Variants in HERC3 observed in about 807,000 individuals in gnomAD.
HERC3 encodes the protein HECT and RLD domain containing E3 ubiquitin protein ligase 3, also known as probable E3 ubiquitin-protein ligase HERC3.
In HERC3, 58 loss-of-function variants were observed where a neutral mutation model predicts 129.9. The ratio of observed to expected loss-of-function variants is 0.45; its 90% confidence interval spans 0.36 to 0.56. The LOEUF (loss-of-function observed/expected upper bound fraction) is 0.56. HERC3 is among the 20% of genes least tolerant of loss of function. The pLI is 0.00. For missense variants in HERC3, 835 were observed against 1,244.2 expected (o/e 0.67, Z 4.95); for synonymous variants, 430 against 451.0 (o/e 0.95, Z 0.59).
At chr4:88,656,090 T>C in intron 9 of HERC3, 55 bp downstream of exon 9, 1 of 1,556,338 alleles carries the variant, frequency 6.4e-7, no homozygotes, top group Non-Finnish European at 8.8e-7. Context: ...AAAACAGTTG[T>C]TTACAGAATA....
At chr4:88,700,235 G>A (rs2149346202) in intron 23 of HERC3, among the ~76,000 whole-genome samples, 1 of 152,084 alleles carries the variant, frequency 6.6e-6, no homozygotes, top group South Asian at 2.1e-4. Context: ...TCATAATTGT[G>A]AATAATGCTG....
rs760284399 is a variant in HERC3, at chr4:88,668,054, C to G, written c.1606C>G (p.Leu536Val). The G allele has an allele frequency of 6.2e-7, 1 of 1,613,636 alleles. No individual in the cohort carries two copies. The highest frequency in any genetic ancestry group is 1.1e-5 in the South Asian group (1 of 91,048). Residue 536 changes from leucine (L) to valine (V), a missense_variant, in exon 14 of 26, where the codon CTG becomes GTG. By Grantham distance (32) the Leu-to-Val change is conservative. Coordinates refer to ENST00000402738, the MANE Select transcript of HERC3 (RefSeq NM_014606.3). ...TCCCTTGGCTATGGCCATTCTTCGGCTGGATACAAACCCCAGCAAAGTACT... is the reference window on the plus strand; with the variant it reads ...TCCCTTGGCTATGGCCATTCTTCGGGTGGATACAAACCCCAGCAAAGTACT... ...TIPLAMAILR[L>V]DTNPSKVLDN...
chr4:88,551,554 C>T, the HERC3 span, among the ~76,000 whole-genome samples: 1 of 151,154 alleles, frequency 6.6e-6, no homozygotes, highest in Admixed American at 6.6e-5. Context: ...CACTGGCCAT[C>T]AGAGAAATGC....
At chr4:88,530,317 A>G in the HERC3 span, among the ~76,000 whole-genome samples, 2 of 152,030 alleles carry the variant, frequency 1.3e-5, no homozygotes. Flanking sequence ...AGCTATCCCT[A>G]TTTTCAAGAT....
chr4:88,688,716 T>C (rs1328513846), intron 23 of HERC3, among the ~76,000 whole-genome samples: 1 of 152,226 alleles, frequency 6.6e-6, no homozygotes, highest in Non-Finnish European at 1.5e-5. Flanking sequence ...AGAAGTCTTA[T>C]ATGAATATTT....
intron 3 of HERC3, among the ~76,000 whole-genome samples, chr4:88,629,958 A>G (rs1264734795): frequency 2.0e-5 from 3 of 152,124 alleles, no homozygotes; most frequent in Non-Finnish European, 4.4e-5. Context: ...ATTCTTTTTT[A>G]GGTCAGTCTA....
chr4:88,545,430 C>CTTTTTTTTT, the HERC3 span, among the ~76,000 whole-genome samples: 2 of 110,432 alleles, frequency 1.8e-5, no homozygotes, highest in African/African-American at 7.4e-5. Flanking sequence ...TTTGAGAATT[C>CTTTTTTTTT]TTTTTTTTTT....
the HERC3 span, chr4:88,527,267 T>G: frequency 6.6e-6 from 1 of 151,886 alleles, no homozygotes; most frequent in African/African-American, 2.4e-5. Flanking sequence ...TTTTTTTTTT[T>G]TTGAGACAGG....
intron 3 of HERC3, among the ~76,000 whole-genome samples, chr4:88,609,832 GAA>G (rs1189995073): frequency 2.6e-5 from 4 of 152,200 alleles, no homozygotes; most frequent in African/African-American, 9.6e-5. Context: ...GTAAAGGAAT[GAA>G]AGAATGGCTA....
At chr4:88,638,809 T>G (rs1727739548) in intron 3 of HERC3, among the ~76,000 whole-genome samples, 1 of 152,174 alleles carries the variant, frequency 6.6e-6, no homozygotes, top group African/African-American at 2.4e-5. Context: ...TTGTCTCTGT[T>G]TGCAGACGAC....
chr4:88,689,104 T>TA (rs1411621678), intron 23 of HERC3, among the ~76,000 whole-genome samples: 1 of 152,240 alleles, frequency 6.6e-6, no homozygotes, highest in Non-Finnish European at 1.5e-5. Flanking sequence ...TCTGGACTTT[T>TA]ATTGGCTTCT....
In HERC3 at chr4:88,704,579, G is replaced by T. The variant is rs777364659; in HGVS notation, c.2913G>T (p.Glu971Asp). The T allele has an allele frequency of 6.2e-7, 1 of 1,605,906 alleles. No homozygotes were observed. Among genetic ancestry groups the T allele is most frequent in the Non-Finnish European group, 8.5e-7 (1 of 1,172,600 alleles). The change falls in exon 25 of 26, where the codon GAG becomes GAT. Residue 971 changes from glutamate to aspartate, a missense_variant. Physicochemically the swap from Glu to Asp is conservative, Grantham distance 45. Transcript: ENST00000402738. ...AACTATTTTGGGAAACATTTCATGA[G>T]TTTCCATTGGAAAAGAAGAAGAAGT... ...TVKLFWETFH[E>D]FPLEKKKKFL...
intron 19 of HERC3, among the ~76,000 whole-genome samples, chr4:88,679,522 C>CTT (rs35403047): frequency 4.3e-5 from 6 of 139,814 alleles, no homozygotes; most frequent in Admixed American, 7.2e-5. Context: ...GATGGTAGAC[C>CTT]TTTTTTTTTT....
At chr4:88,542,013 A>G in the HERC3 span, among the ~76,000 whole-genome samples, 3 of 152,190 alleles carry the variant, frequency 2.0e-5, no homozygotes, top group Non-Finnish European at 4.4e-5. Flanking sequence ...TAAAATTGAC[A>G]CCCTAATATC....
At position 88,608,388 on chromosome 4, in the gene HERC3, C is replaced by G. The variant is rs201258710; in HGVS notation, c.226+2339C>G. ...TCAGGGGTTTCTTAACCTGAGGACC[C>G]TGAAATCTTGGGATTTCAAGGAAGG... On this transcript the variant is annotated intron_variant, in intron 3 of 25. Transcript: ENST00000402738. Among the ~76,000 whole-genome samples the G allele has an allele frequency of 5.9e-5, 9 of 152,246 alleles. No individual in the cohort carries two copies. The East Asian group carries it at 1.7e-3, about 29-fold the overall frequency.
intron 2 of HERC3, among the ~76,000 whole-genome samples, chr4:88,605,355 T>C (rs1379153533): frequency 2.0e-5 from 3 of 152,124 alleles, no homozygotes; most frequent in Non-Finnish European, 4.4e-5. Flanking sequence ...CCTAAAGGAG[T>C]TAATTGGTTC....
At chr4:88,531,419 C>T in the HERC3 span, among the ~76,000 whole-genome samples, 1 of 152,132 alleles carries the variant, frequency 6.6e-6, no homozygotes, top group Non-Finnish European at 1.5e-5. Context: ...GAAATATAAA[C>T]TTTAAAAATA....
chr4:88,589,629 T>C (rs961528002), upstream of HERC3, among the ~76,000 whole-genome samples: 5 of 152,192 alleles, frequency 3.3e-5, no homozygotes, highest in African/African-American at 1.2e-4. Flanking sequence ...GACAGGGCTA[T>C]AGAAATGGAA....
chr4:88,536,207 T>C, the HERC3 span, among the ~76,000 whole-genome samples: 1 of 152,208 alleles, frequency 6.6e-6, no homozygotes, highest in Non-Finnish European at 1.5e-5. Flanking sequence ...CATCTTGAAT[T>C]CAGCCATTCT....
Sources: gnomAD v4.1 joint callset for allele counts (sites outside exome capture counted in the v4.1 genomes callset) on GRCh38, gnomAD v4.1.1 for gene constraint, MANE v1.5 for transcripts, NCBI Gene and HGNC (gene_info 2026-07-23, HGNC 2026-07-21) for gene names.